The following RNF213 variants were observed in gnomAD, a reference collection of about 807,000 sequenced individuals.
RNF213 encodes ring finger protein 213.
Under a neutral mutation model 514.4 loss-of-function variants are expected in RNF213, and 341 were observed. The observed-to-expected ratio is 0.66, with a 90% CI of 0.61 to 0.73. The LOEUF (loss-of-function observed/expected upper bound fraction) is 0.73, where lower values mean the gene tolerates loss of function less well. RNF213 is among the 30% of genes least tolerant of loss of function. The pLI is 0.00. For synonymous variants in RNF213, 2,655 were observed against 2,658.2 expected, an observed-to-expected ratio of 1.00 and a Z score of 0.04; for missense variants, 5,767 against 6,615.6, an observed-to-expected ratio of 0.87 and a Z score of 4.45.
In RNF213 at chr17:80,369,625, C is replaced by G. The variant is rs752319363; in HGVS notation, c.12279C>G (p.Leu4093=). Residue 4093 remains leucine (L), a synonymous_variant, in exon 45 of 68, where the codon CTC becomes CTG. Transcript: ENST00000582970. ...AGAAGGAAGTGATTGAGAGCCTGCT[C>G]TCTCTCCTCTTCGTCCAAAAGGGGC... ...PPEKEVIESL[L]SLLFVQKGRL... 6 of 1,614,124 alleles carry G rather than the reference C, an allele frequency of 3.7e-6. No individual in the cohort carries two copies. In the Admixed American group the frequency reaches 5.0e-5, roughly 13 times the overall value.
chr17:80,328,612 T>A lies in RNF213; in HGVS notation c.3517+135T>A, dbSNP rs2046338317. The stretch of plus-strand genomic sequence containing the variant: ...AATTTTTTTTTTAATTTGCATTTGC[T>A]GGGGGGATCGCTTTCACCTCTTTTA... On this transcript the variant is annotated intron_variant, in intron 20 of 67. Coordinates refer to ENST00000582970, the MANE Select transcript of RNF213 (RefSeq NM_001256071.3). 5 of 781,376 alleles carry A rather than the reference T, an allele frequency of 6.4e-6. No individual in the cohort carries two copies. The Admixed American group carries it at 1.6e-4, about 25-fold the overall frequency. 48.4% of individuals were successfully genotyped at this position (781,376 alleles called of 1,614,324 possible).
chr17:80,281,317 T>A, intron 3 of RNF213, among the ~76,000 whole-genome samples: 1 of 28,708 alleles, frequency 3.5e-5, no homozygotes, highest in Non-Finnish European at 6.3e-5. Flanking sequence ...CATACCCCAC[T>A]CACACCACTC....
Position 80,353,849 on chromosome 17 carries a change from C to A in RNF213, c.10579-170C>A. The A allele has an allele frequency of 8.4e-7, 1 of 1,188,554 alleles. No individual in the cohort carries two copies. The allele number at this position is 1,188,554 out of a possible 1,614,324, so 73.6% of individuals were successfully genotyped here. On this transcript the variant is annotated intron_variant, in intron 34 of 67. Transcript: ENST00000582970. The surrounding 1 kb of genome is among the most constrained non-coding windows in gnomAD (Gnocchi z 5.0). ...GGTTACTGGGGGTCAAGGGCATCTG[C>A]ACCGGCAGTTTGGGGGGTGCAGGGC... is the stretch of plus-strand genomic sequence containing the variant.
chr17:80,378,265 G>A (rs2079842951), intron 54 of RNF213, among the ~76,000 whole-genome samples: 1 of 152,188 alleles, frequency 6.6e-6, no homozygotes, highest in African/African-American at 2.4e-5. Flanking sequence ...TGCATTATTA[G>A]CCCTCAGAGG....
chr17:80,275,458 T>C (rs2044020188), intron 3 of RNF213, among the ~76,000 whole-genome samples: 1 of 151,856 alleles, frequency 6.6e-6, no homozygotes, highest in Admixed American at 6.6e-5. Flanking sequence ...AAGCTAAGAA[T>C]TGAGTTACTT....
At chr17:80,309,568 A>G (rs2045493784) in intron 14 of RNF213, among the ~76,000 whole-genome samples, 1 of 152,136 alleles carries the variant, frequency 6.6e-6, no homozygotes, top group South Asian at 2.1e-4. Context: ...CAAAAAATAC[A>G]TGTCCAAACA....
chr17:80,297,489 C>T (rs570103539), intron 10 of RNF213, among the ~76,000 whole-genome samples: 1 of 150,594 alleles, frequency 6.6e-6, no homozygotes, highest in South Asian at 2.1e-4. Context: ...CATTATGGCT[C>T]ACACCTGTAA....
At chr17:80,309,589 C>T (rs2045494530) in intron 14 of RNF213, among the ~76,000 whole-genome samples, 1 of 152,156 alleles carries the variant, frequency 6.6e-6, no homozygotes, top group Admixed American at 6.6e-5. Flanking sequence ...TGGTCTTTCC[C>T]ACCTTCTTGA....
intron 19 of RNF213, 146 bp downstream of exon 19, chr17:80,328,135 G>A (rs959872483): frequency 1.7e-6 from 2 of 1,165,370 alleles, no homozygotes; most frequent in Non-Finnish European, 2.4e-6. Flanking sequence ...AAGTTGATAG[G>A]GGTGGTTTAT....
intron 3 of RNF213, among the ~76,000 whole-genome samples, chr17:80,280,619 A>G (rs913075513): frequency 6.6e-6 from 1 of 151,782 alleles, no homozygotes; most frequent in African/African-American, 2.4e-5. Context: ...ACACCCAATT[A>G]ATTTTTAAAA....
At chr17:80,293,453 TTAAATATGGAATTCTATATATA>T (rs2044813854) in intron 8 of RNF213, among the ~76,000 whole-genome samples, 1 of 152,080 alleles carries the variant, frequency 6.6e-6, no homozygotes, top group African/African-American at 2.4e-5. Context: ...ATAAATACAT[TTAAATATGGAATTCTATATATA>T]TAAATATGGA....
rs751812499 is a variant in RNF213 at position 80,386,823 on chromosome 17, G to A, written c.14854G>A (p.Asp4952Asn). Residue 4952 changes from aspartate (D) to asparagine (N), a missense_variant, in exon 63 of 68, where the codon GAT (aspartate) becomes AAT (asparagine). Asp to Asn is a conservative substitution (Grantham distance 23). Around this residue, in one of 13 missense-constraint regions of RNF213, gnomAD observed 1,245 missense variants for 1,339.0 expected, o/e 0.93. Transcript: ENST00000582970. ...GGGCAGAGAGACCGTGCAGGAGTTC[G>A]ATCTGGAGAAGATTCAGCGGCAGAT... ...EEGRETVQEFDLEKIQRQIVS... is the reference protein window; with the variant it reads ...EEGRETVQEFNLEKIQRQIVS... The A allele has an allele frequency of 5.0e-6, 8 of 1,614,196 alleles. No homozygotes were observed. The highest frequency in any genetic ancestry group is 2.2e-5 in the South Asian group (2 of 91,082).
intron 56 of RNF213, 57 bp from the exon 57 acceptor site, chr17:80,381,490 A>AC: frequency 1.9e-6 from 3 of 1,585,186 alleles, no homozygotes; most frequent in African/African-American, 2.7e-5. Flanking sequence ...TACCAGGCTC[A>AC]CCATCTTCTC....
In RNF213 at chr17:80,359,556, TGAGA is replaced by T. The variant is rs754572817; in HGVS notation, c.11055-501_11055-498del. 3.7e-4 allele frequency among the ~76,000 whole-genome samples: 29 copies of T among 78,434 alleles called. No homozygotes were observed. In the South Asian group the frequency reaches 3.7e-3, roughly 10 times the overall value. The allele number at this position is 78,434 out of a possible 152,430, so 51.5% of individuals were successfully genotyped here. ...AAAAAAAAAAAAAAAAAAAAAAGAG[TGAGA>T]GAGGGAGGGAGACAGAAGGAAGAAA... On this transcript the variant is annotated intron_variant, in intron 37 of 67. Transcript: ENST00000582970.
intron 10 of RNF213, among the ~76,000 whole-genome samples, chr17:80,297,890 G>A (rs922606457): frequency 6.6e-6 from 1 of 152,128 alleles, no homozygotes; most frequent in Non-Finnish European, 1.5e-5. Flanking sequence ...CCAAGAGTTC[G>A]AGGTTATAAT....
Position 80,272,424 on chromosome 17 carries a change from G to A in RNF213, c.98-817G>A, listed in dbSNP as rs115171660. On this transcript the variant is annotated intron_variant, in intron 2 of 67. Transcript: ENST00000582970. ...GTGCCACATGGCAGAGTAGGCCGAC[G>A]GGGATGCTGACAGCTGTGAAAGACT... 5.7e-3 allele frequency among the ~76,000 whole-genome samples: 867 copies of A among 152,324 alleles called. 12 individuals carry two copies. Among genetic ancestry groups the A allele is most frequent in the African/African-American group, 0.02 (831 of 41,580 alleles).
chr17:80,367,625 G>A (rs941290848), intron 42 of RNF213, 123 bp from the exon 43 acceptor site: 15 of 731,850 alleles, frequency 2.0e-5, no homozygotes, highest in East Asian at 8.0e-5. Context: ...CAAAGGCCTC[G>A]CACCCCACAC....
At position 80,361,811 on chromosome 17, in the gene RNF213, C is replaced by T. The variant is rs1447141420; in HGVS notation, c.11278C>T (p.Gln3760Ter). 1 of 1,614,116 alleles carries T rather than the reference C, an allele frequency of 6.2e-7. No individual in the cohort carries two copies. Among genetic ancestry groups the T allele is most frequent in the East Asian group, 2.2e-5 (1 of 44,888 alleles). Residue 3760 changes from glutamine to a stop codon, truncating the protein, a stop_gained, in exon 39 of 68, where the codon CAG becomes TAG. Transcript: ENST00000582970. LOFTEE classifies it high-confidence loss of function. ...TCTTGCCCAGCTCCATGGAGAGCCG[C>T]AGCAGGAACTTCTTCAGTGTTACTT... is the stretch of plus-strand genomic sequence containing the variant. Reference protein sequence around the residue: ...RFLAQLHGEPQQELLQCYLKD... With the variant: ...RFLAQLHGEP
intron 58 of RNF213, 56 bp downstream of exon 58, chr17:80,383,126 C>T (rs572735313): frequency 8.2e-5 from 103 of 1,261,872 alleles, no homozygotes; most frequent in East Asian, 1.4e-4. Flanking sequence ...GGAAGGGTCC[C>T]GGCGTCTGCT....
Sources: gnomAD v4.1 joint callset for allele counts (sites outside exome capture counted in the v4.1 genomes callset) on GRCh38, gnomAD v4.1.1 for gene constraint, gnomAD v4.1.1 regional missense constraint, Gnocchi (gnomAD v3.1) non-coding constraint, MANE v1.5 for transcripts, NCBI Gene and HGNC (gene_info 2026-07-23, HGNC 2026-07-21) for gene names.